RSF1: variants seen among roughly 807,000 people sequenced by gnomAD.
RSF1 encodes the protein remodeling and spacing factor 1, also known as HBV pX-associated protein 8.
Under a neutral mutation model 145.2 loss-of-function variants are expected in RSF1, and 13 were observed. The ratio of observed to expected loss-of-function variants is 0.09; its 90% CI spans 0.06 to 0.14. The LOEUF (loss-of-function observed/expected upper bound fraction) is 0.14, where lower values mean the gene tolerates loss of function less well. Ranked by LOEUF, RSF1 falls within the 10% of genes least tolerant of loss-of-function variation. RSF1 has a pLI of 1.00. For missense variants in RSF1, 1,517 were observed against 1,718.2 expected, an observed-to-expected ratio of 0.88 and a Z score of 2.07; for synonymous variants, 577 against 592.6, an observed-to-expected ratio of 0.97 and a Z score of 0.38.
At chr11:77,870,329 ATTTTTTTTTTTTT>A in the RSF1 span, among the ~76,000 whole-genome samples, 1 of 87,982 alleles carries the variant, frequency 1.1e-5, no homozygotes, top group Non-Finnish European at 2.2e-5. Context: ...CTATTTTTTA[ATTTTTTTTTTTTT>A]TTTTTTTTTT....
At chr11:77,732,490 C>G (rs1027956305) in intron 4 of RSF1, among the ~76,000 whole-genome samples, 1 of 151,974 alleles carries the variant, frequency 6.6e-6, no homozygotes, top group Non-Finnish European at 1.5e-5. Flanking sequence ...TAGGAGGGGC[C>G]GGGGCAGAAA....
intron 4 of RSF1, among the ~76,000 whole-genome samples, chr11:77,731,345 A>G (rs181380359): frequency 1.3e-5 from 2 of 152,344 alleles, no homozygotes; most frequent in East Asian, 3.9e-4. Context: ...TCAAGAGGTG[A>G]CCTGAGTGCT....
intron 1 of RSF1, among the ~76,000 whole-genome samples, chr11:77,768,433 T>C (rs780656093): frequency 6.6e-5 from 10 of 152,224 alleles, no homozygotes; most frequent in Non-Finnish European, 1.5e-4. Flanking sequence ...GTGCTGGGAT[T>C]ACAGGTGTTG....
chr11:77,819,086 A>G (rs1315660944), intron 1 of RSF1, among the ~76,000 whole-genome samples: 1 of 152,244 alleles, frequency 6.6e-6, no homozygotes, highest in Non-Finnish European at 1.5e-5. Context: ...GAAGAACTTC[A>G]TACTTGGCGC....
rs564836658 is a variant in RSF1 at position 77,699,285 on chromosome 11, ACATT to A, written c.2509-596_2509-593del. On this transcript the variant is annotated intron_variant, in intron 6 of 15. Coordinates refer to ENST00000308488, the MANE Select transcript of RSF1 (RefSeq NM_016578.4). ...AATCCTGACAAATGTAAAAATATAT[ACATT>A]CAGAGAGCAAATTTATAATGTGACT... Among the ~76,000 whole-genome samples, 14 of 152,338 alleles carry A rather than the reference ACATT, an allele frequency of 9.2e-5. No individual in the cohort carries two copies. In the East Asian group the frequency reaches 2.7e-3, roughly 29 times the overall value.
chr11:77,833,640 A>G, the RSF1 span, among the ~76,000 whole-genome samples: 1 of 152,190 alleles, frequency 6.6e-6, no homozygotes, highest in East Asian at 1.9e-4. Context: ...CTCCTGCTCT[A>G]TGAATCTTCT....
chr11:77,728,845 T>C (rs1478944362), intron 4 of RSF1, among the ~76,000 whole-genome samples: 1 of 150,802 alleles, frequency 6.6e-6, no homozygotes, highest in Non-Finnish European at 1.5e-5. Context: ...TGTTAGATAG[T>C]GGTACCAGAT....
chr11:77,685,597 T>TAAA (rs1959982574), intron 9 of RSF1, among the ~76,000 whole-genome samples: 2 of 152,212 alleles, frequency 1.3e-5, no homozygotes, highest in Non-Finnish European at 2.9e-5. Context: ...TCCTGGCCCA[T>TAAA]GTTAGCTATT....
At chr11:77,681,491 G>A (rs1194059333) in intron 11 of RSF1, among the ~76,000 whole-genome samples, 1 of 151,940 alleles carries the variant, frequency 6.6e-6, no homozygotes, top group African/African-American at 2.4e-5. Flanking sequence ...TGATGCCCAG[G>A]ATGGTCTTGA....
At chr11:77,752,172 A>T (rs557531519) in intron 2 of RSF1, among the ~76,000 whole-genome samples, 11 of 152,350 alleles carry the variant, frequency 7.2e-5, no homozygotes, top group Middle Eastern at 6.8e-3. Context: ...TATTTTTCTA[A>T]TAAAGAGCAG....
the RSF1 span, among the ~76,000 whole-genome samples, chr11:77,834,379 G>C: frequency 2.0e-5 from 3 of 150,990 alleles, no homozygotes; most frequent in Admixed American, 2.0e-4. Flanking sequence ...TTATCAAACT[G>C]AGAAGGGCAT....
chr11:77,767,793 C>T (rs969041168), intron 1 of RSF1, among the ~76,000 whole-genome samples: 3 of 152,130 alleles, frequency 2.0e-5, no homozygotes, highest in Admixed American at 6.5e-5. Context: ...AACCTTTGCA[C>T]CAGTGTTTTA....
the RSF1 span, among the ~76,000 whole-genome samples, chr11:77,849,954 A>G: frequency 1.3e-5 from 2 of 152,122 alleles, no homozygotes; most frequent in African/African-American, 4.8e-5. Flanking sequence ...AGCACAGTTC[A>G]CTTGTATTAT....
At chr11:77,802,410 T>C (rs1340599938) in intron 1 of RSF1, among the ~76,000 whole-genome samples, 1 of 152,172 alleles carries the variant, frequency 6.6e-6, no homozygotes, top group African/African-American at 2.4e-5. Context: ...CAAATTAAAT[T>C]TTAATACACC....
intron 1 of RSF1, 27 bp downstream of exon 1, chr11:77,820,501 C>T (rs1221436404): frequency 1.3e-6 from 2 of 1,544,702 alleles, no homozygotes; most frequent in South Asian, 2.4e-5. Flanking sequence ...GGCCGCTTCC[C>T]GCCGGGCGTT....
At chr11:77,835,069 G>A in the RSF1 span, among the ~76,000 whole-genome samples, 1 of 152,166 alleles carries the variant, frequency 6.6e-6, no homozygotes, top group Admixed American at 6.5e-5. Context: ...TTCTCCCCTT[G>A]AAATCTCTAC....
chr11:77,719,294 ACT>A (rs925185293), intron 5 of RSF1, among the ~76,000 whole-genome samples: 8 of 151,914 alleles, frequency 5.3e-5, no homozygotes, highest in African/African-American at 1.9e-4. Context: ...ACAATTAGCA[ACT>A]CTCTCCTTTT....
At chr11:77,832,949 ATATGTGTGTGTGTGTGTGTG>A in the RSF1 span, among the ~76,000 whole-genome samples, 2 of 96,292 alleles carry the variant, frequency 2.1e-5, no homozygotes, top group African/African-American at 9.5e-5. Flanking sequence ...TTGTATATAT[ATATGTGTGTGTGTGTGTGTG>A]TGTGTGTGTG....
intron 2 of RSF1, among the ~76,000 whole-genome samples, chr11:77,757,372 G>A (rs555338290): frequency 4.6e-5 from 7 of 152,246 alleles, no homozygotes; most frequent in Admixed American, 3.9e-4. Context: ...TGAGGCTCTG[G>A]AGGCACTAAC....
Sources: gnomAD v4.1 joint callset for allele counts (sites outside exome capture counted in the v4.1 genomes callset) on GRCh38, gnomAD v4.1.1 for gene constraint, MANE v1.5 for transcripts, NCBI Gene and HGNC (gene_info 2026-07-23, HGNC 2026-07-21) for gene names.